R3HDM2: variants seen among roughly 807,000 people sequenced by gnomAD.
The protein encoded by R3HDM2 is R3H domain-containing protein 2.
Under a neutral mutation model 124.5 loss-of-function variants are expected in R3HDM2, and 38 were observed. The ratio of observed to expected loss-of-function variants is 0.31; its 90% confidence interval spans 0.24 to 0.40. The LOEUF (loss-of-function observed/expected upper bound fraction) is 0.40. Among genes scored for constraint, R3HDM2 ranks in the 10% least tolerant of loss-of-function variants. R3HDM2 has a pLI of 1.00. For synonymous variants in R3HDM2, 391 were observed against 448.0 expected (o/e 0.87, Z 1.61); for missense variants, 869 against 1,236.9 (o/e 0.70, Z 4.46).
At chr12:57,386,371 G>A (rs976739226) in intron 2 of R3HDM2, among the ~76,000 whole-genome samples, 2 of 152,214 alleles carry the variant, frequency 1.3e-5, no homozygotes, top group Non-Finnish European at 2.9e-5. Flanking sequence ...CACGAGTTCC[G>A]GGTGGGAGTG....
intron 2 of R3HDM2, among the ~76,000 whole-genome samples, chr12:57,354,161 G>A (rs987966397): frequency 3.3e-5 from 5 of 150,556 alleles, no homozygotes; most frequent in East Asian, 4.0e-4. Flanking sequence ...GAGCCACCAC[G>A]CCTGGTCTAA....
chr12:57,354,326 C>T (rs1238260022), intron 2 of R3HDM2, among the ~76,000 whole-genome samples: 3 of 152,010 alleles, frequency 2.0e-5, no homozygotes, highest in Non-Finnish European at 4.4e-5. Flanking sequence ...CAGAGTCTGA[C>T]TCTGTCACGC....
At position 57,278,232 on chromosome 12, in the gene R3HDM2, A is replaced by G. The variant is rs190159991; in HGVS notation, c.1344+2126T>C. Among the ~76,000 whole-genome samples, 3 of 152,314 alleles carry G rather than the reference A, an allele frequency of 2.0e-5. No individual in the cohort carries two copies. In the East Asian group the frequency reaches 5.8e-4, roughly 29 times the overall value. The stretch of plus-strand genomic sequence containing the variant: ...TGGCACCACACTCCCCATAGGAGAT[A>G]AGCCAATGCCAACGATCGACCAATT... On this transcript the variant is annotated intron_variant, in intron 14 of 23. Transcript: ENST00000402412.
intron 2 of R3HDM2, among the ~76,000 whole-genome samples, chr12:57,371,741 T>A (rs2063415149): frequency 6.6e-6 from 1 of 152,224 alleles, no homozygotes. Context: ...TAACATAATA[T>A]CTTTGAGCAT....
chr12:57,421,161 CTTT>C (rs58868663), intron 1 of R3HDM2, among the ~76,000 whole-genome samples: 3 of 119,266 alleles, frequency 2.5e-5, no homozygotes, highest in Admixed American at 9.7e-5. Flanking sequence ...CTAACAGATT[CTTT>C]TTTTTTTTTT....
In R3HDM2 at chr12:57,283,875, C is replaced by T. The variant is rs756711474; in HGVS notation, c.1120G>A (p.Asp374Asn). 6.2e-7 allele frequency: 1 copy of T among 1,614,214 alleles called. No individual in the cohort carries two copies. Among genetic ancestry groups the T allele is most frequent in the Non-Finnish European group, 8.5e-7 (1 of 1,180,048 alleles). The change falls in exon 13 of 24, where the codon GAC (aspartate) becomes AAC (asparagine). Residue 374 changes from aspartate to asparagine, a missense_variant. Transcript: ENST00000402412. ...CCGCCTTTACTGCTGCCGATGCTGTCACCTCGGGTAAGGATAGAGATTCCA... is the reference window on the plus strand; with the variant it reads ...CCGCCTTTACTGCTGCCGATGCTGTTACCTCGGGTAAGGATAGAGATTCCA... The part of the protein sequence containing the change: ...FSGISILTRG[D>N]SIGSSKGGSA...
chr12:57,394,994 G>A (rs2067272082), intron 2 of R3HDM2, among the ~76,000 whole-genome samples: 2 of 152,040 alleles, frequency 1.3e-5, no homozygotes, highest in African/African-American at 4.8e-5. Context: ...TGGATCACAA[G>A]GTCAGGAGTT....
intron 3 of R3HDM2, chr12:57,305,716 A>G (rs1264021822): frequency 2.5e-6 from 1 of 398,660 alleles, no homozygotes; most frequent in African/African-American, 2.1e-5. Context: ...AGTGTACTAG[A>G]GAGGTACTCA....
At chr12:57,315,115 G>A (rs1016477836) in intron 2 of R3HDM2, among the ~76,000 whole-genome samples, 22 of 151,552 alleles carry the variant, frequency 1.5e-4, no homozygotes, top group Non-Finnish European at 3.1e-4. Flanking sequence ...CTCACTCACT[G>A]CAACTTCTGC....
chr12:57,377,095 T>TAAATAAATAAATAAATAAATAAAA (rs2064168429), intron 2 of R3HDM2, among the ~76,000 whole-genome samples: 1 of 119,204 alleles, frequency 8.4e-6, no homozygotes, highest in Non-Finnish European at 1.8e-5. Context: ...AATAAATAAA[T>TAAATAAATAAATAAATAAATAAAA]AAATAAATAA....
intron 1 of R3HDM2, among the ~76,000 whole-genome samples, chr12:57,421,312 C>T (rs1238160822): frequency 5.3e-5 from 8 of 150,296 alleles, no homozygotes; most frequent in East Asian, 1.9e-4. Context: ...CAACCACTCC[C>T]GGCTAATTTT....
chr12:57,427,935 T>G (rs181945471), intron 1 of R3HDM2, among the ~76,000 whole-genome samples: 1 of 151,406 alleles, frequency 6.6e-6, no homozygotes, highest in Admixed American at 6.6e-5. Context: ...GGCCAACATA[T>G]AGTGAAACCC....
intron 2 of R3HDM2, among the ~76,000 whole-genome samples, chr12:57,331,460 T>G (rs1246437254): frequency 2.0e-5 from 3 of 152,236 alleles, no homozygotes; most frequent in Non-Finnish European, 4.4e-5. Context: ...TTATCTTGTT[T>G]ATTATCTCTC....
chr12:57,273,985 ACT>A (rs1242972833), intron 14 of R3HDM2, among the ~76,000 whole-genome samples: 1 of 152,054 alleles, frequency 6.6e-6, no homozygotes, highest in Non-Finnish European at 1.5e-5. Flanking sequence ...TTGAAAATAA[ACT>A]CTTAGCTCTA....
chr12:57,341,943 G>T (rs186830027), intron 2 of R3HDM2, among the ~76,000 whole-genome samples: 173 of 152,252 alleles, frequency 1.1e-3, no homozygotes, highest in Non-Finnish European at 1.1e-3. Flanking sequence ...TAGTGTAAAA[G>T]TTCTAGCAAA....
intron 1 of R3HDM2, among the ~76,000 whole-genome samples, chr12:57,424,813 T>C (rs1566531304): frequency 6.6e-6 from 1 of 151,320 alleles, no homozygotes; most frequent in Non-Finnish European, 1.5e-5. Flanking sequence ...CAAGCAATCC[T>C]CCCGCCTCAG....
rs181718585 is a variant in R3HDM2, at chr12:57,342,257, G to A, written c.-35-31794C>T. On this transcript the variant is annotated intron_variant, in intron 2 of 23. Transcript: ENST00000402412. ...AGATCTGTTCTGCCGGAATTTTGCCGGAAGAAATTCCTTCTGGGAAACCTG... is the reference window on the plus strand; with the variant it reads ...AGATCTGTTCTGCCGGAATTTTGCCAGAAGAAATTCCTTCTGGGAAACCTG... 3.3e-5 allele frequency among the ~76,000 whole-genome samples: 5 copies of A among 152,198 alleles called. No homozygotes were observed. In the East Asian group the frequency reaches 5.8e-4, roughly 18 times the overall value.
chr12:57,429,714 A>G (rs1287523216), intron 1 of R3HDM2, among the ~76,000 whole-genome samples: 1 of 150,200 alleles, frequency 6.7e-6, no homozygotes, highest in Non-Finnish European at 1.5e-5. Flanking sequence ...CCCTGTCTCA[A>G]AAAACAAAAT....
At chr12:57,418,398 T>G (rs2069857481) in intron 1 of R3HDM2, 1 of 934,244 alleles carries the variant, frequency 1.1e-6, no homozygotes, top group East Asian at 1.2e-4. Flanking sequence ...CAACGGTGGT[T>G]GCGCAGGCTG....
Sources: allele counts gnomAD v4.1 joint callset (sites outside exome capture counted in the v4.1 genomes callset), GRCh38; gene constraint gnomAD v4.1.1; transcripts MANE v1.5; gene names NCBI Gene and HGNC (gene_info 2026-07-23, HGNC 2026-07-21).